Variants in SLC17A6 observed in about 807,000 individuals in gnomAD.
SLC17A6 encodes solute carrier family 17 member 6, also known as vesicular glutamate transporter 2.
In SLC17A6, 35 loss-of-function variants were observed where a neutral mutation model predicts 67.1. The observed-to-expected ratio is 0.52, with a 90% CI of 0.40 to 0.69. The LOEUF is 0.69. SLC17A6 is among the 30% of genes least tolerant of loss of function. SLC17A6 has a pLI of 0.00. For missense variants in SLC17A6, 588 were observed against 723.9 expected (o/e 0.81, Z 2.15); for synonymous variants, 285 against 252.3 (o/e 1.13, Z -1.23).
intron 10 of SLC17A6, 126 bp downstream of exon 10, chr11:22,376,218 A>T (rs1303558068): frequency 8.6e-6 from 5 of 583,204 alleles, no homozygotes; most frequent in Non-Finnish European, 1.1e-5. Flanking sequence ...TAATAGTCAA[A>T]TATTTCCACT....
chr11:22,342,384 C>A (rs894348226), intron 2 of SLC17A6, among the ~76,000 whole-genome samples: 1 of 152,088 alleles, frequency 6.6e-6, no homozygotes, highest in African/African-American at 2.4e-5. Context: ...CCCCAGCTGC[C>A]GTAAACCAGA....
rs898594771 is a variant in SLC17A6, at chr11:22,362,665, A to G, written c.662-74A>G. 12 of 1,265,186 alleles carry G rather than the reference A, an allele frequency of 9.5e-6. No individual in the cohort carries two copies. The African/African-American group carries it at 1.6e-4, about 17-fold the overall frequency. 78.4% of individuals were successfully genotyped at this position (1,265,186 alleles called of 1,614,324 possible). ...TGTTCCAGCGTCTGTGTGAATCAAC[A>G]AAGGAATGTGAGATGATATCAATAA... On this transcript the variant is annotated intron_variant, in intron 5 of 11. Transcript: ENST00000263160.
chr11:22,356,809 C>T (rs1041932037), intron 3 of SLC17A6, among the ~76,000 whole-genome samples: 2 of 152,190 alleles, frequency 1.3e-5, no homozygotes, highest in Non-Finnish European at 2.9e-5. Flanking sequence ...GCACTCCAGC[C>T]TGGGTGACAG....
chr11:22,356,073 G>A (rs1855990270), intron 3 of SLC17A6, among the ~76,000 whole-genome samples: 2 of 152,108 alleles, frequency 1.3e-5, no homozygotes, highest in South Asian at 4.1e-4. Context: ...TTAAATCTGA[G>A]CTTTACTACT....
intron 10 of SLC17A6, 125 bp downstream of exon 10, chr11:22,376,217 A>G: frequency 3.4e-6 from 2 of 584,386 alleles, no homozygotes; most frequent in Non-Finnish European, 5.6e-6. Context: ...ATAATAGTCA[A>G]ATATTTCCAC....
In SLC17A6 at chr11:22,338,437, C is replaced by T; in HGVS notation, c.-97C>T. On this transcript the variant is annotated 5_prime_UTR_variant, in exon 1 of 12. Coordinates refer to ENST00000263160, the MANE Select transcript of SLC17A6 (RefSeq NM_020346.3). The stretch of plus-strand genomic sequence containing the variant: ...CATTCTGCTGAGAAGGAAAAGCCCG[C>T]AACTACTTTAAGAGATTAAGACAAT... The T allele has an allele frequency of 2.3e-6, 2 of 855,036 alleles. No homozygotes were observed. The highest frequency in any genetic ancestry group is 3.8e-6 in the Non-Finnish European group (2 of 524,682). The allele number at this position is 855,036 out of a possible 1,614,324, so 53.0% of individuals were successfully genotyped here.
chr11:22,374,703 C>T, intron 8 of SLC17A6, 52 bp from the exon 9 acceptor site: 1 of 1,438,268 alleles, frequency 7.0e-7, no homozygotes, highest in Non-Finnish European at 9.3e-7. Flanking sequence ...CATTAAATTG[C>T]CCATATTATT....
At chr11:22,376,140 C>G in intron 10 of SLC17A6, 48 bp downstream of exon 10, 1 of 1,334,546 alleles carries the variant, frequency 7.5e-7, no homozygotes, top group South Asian at 1.3e-5. Flanking sequence ...CTGATTTTGA[C>G]TGCTGATAAA....
In SLC17A6 at chr11:22,343,157, G is replaced by C. The variant is rs1445919956; in HGVS notation, c.340-90G>C. ...AGAATGCATGAAGCGCCCAAGCCTT[G>C]GGGGCTTTTTGGCTTGTGAACCACT... On this transcript the variant is annotated intron_variant, in intron 2 of 11. Coordinates refer to ENST00000263160, the MANE Select transcript of SLC17A6 (RefSeq NM_020346.3). 7.6e-6 allele frequency: 8 copies of C among 1,059,526 alleles called. No homozygotes were observed. In the African/African-American group the frequency reaches 1.3e-4, roughly 17 times the overall value. 65.6% of individuals were successfully genotyped at this position (1,059,526 alleles called of 1,614,324 possible). A position where few individuals can be genotyped will look rare whatever the true frequency, so the allele number is the denominator to read the frequency against.
intron 5 of SLC17A6, chr11:22,362,254 C>A (rs906379451): frequency 4.2e-6 from 2 of 472,804 alleles, no homozygotes; most frequent in African/African-American, 2.1e-5. Flanking sequence ...AGAACTGAAG[C>A]AATATGCCTT....
At position 22,338,637 on chromosome 11, in the gene SLC17A6, C is replaced by A; in HGVS notation, c.86+18C>A. 1.9e-6 allele frequency: 3 copies of A among 1,578,106 alleles called. No individual in the cohort carries two copies. Among genetic ancestry groups the A allele is most frequent in the African/African-American group, 1.3e-5 (1 of 74,162 alleles). On this transcript the variant is annotated intron_variant, in intron 1 of 11. Coordinates refer to ENST00000263160, the MANE Select transcript of SLC17A6 (RefSeq NM_020346.3). Reference sequence around the variant, plus strand: ...ATCTACAGGTAAGACAAAGCGAACACTTGCTTACCTGGGGCTCAGCATGAA... The same window carrying A: ...ATCTACAGGTAAGACAAAGCGAACAATTGCTTACCTGGGGCTCAGCATGAA...
At position 22,338,423 on chromosome 11, in the gene SLC17A6, G is replaced by A. The variant is rs1434404706; in HGVS notation, c.-111G>A. The A allele has an allele frequency of 2.7e-6, 2 of 741,518 alleles. No homozygotes were observed. The highest frequency in any genetic ancestry group is 2.3e-5 in the Admixed American group (1 of 42,872). 45.9% of individuals were successfully genotyped at this position (741,518 alleles called of 1,614,324 possible). A position where few individuals can be genotyped will look rare whatever the true frequency, so the allele number is the denominator to read the frequency against. ...AGGCGAGCCACTACCATTCTGCTGA[G>A]AAGGAAAAGCCCGCAACTACTTTAA... On this transcript the variant is annotated 5_prime_UTR_variant, in exon 1 of 12. Transcript: ENST00000263160.
rs1413706718 is a variant in SLC17A6 at position 22,338,440 on chromosome 11, C to G, written c.-94C>G. On this transcript the variant is annotated 5_prime_UTR_variant, in exon 1 of 12. Transcript: ENST00000263160. ...TCTGCTGAGAAGGAAAAGCCCGCAA[C>G]TACTTTAAGAGATTAAGACAATATG... 1 of 882,442 alleles carries G rather than the reference C, an allele frequency of 1.1e-6. No homozygotes were observed. The highest frequency in any genetic ancestry group is 1.7e-5 in the African/African-American group (1 of 59,590). 54.7% of individuals were successfully genotyped at this position (882,442 alleles called of 1,614,324 possible).
At chr11:22,347,386 T>C (rs1443051819) in intron 3 of SLC17A6, among the ~76,000 whole-genome samples, 1 of 152,154 alleles carries the variant, frequency 6.6e-6, no homozygotes, top group Non-Finnish European at 1.5e-5. Flanking sequence ...GGAGGGCTAA[T>C]CAAAGTACCT....
chr11:22,343,130 C>G (rs1468653287), intron 2 of SLC17A6, 117 bp from the exon 3 acceptor site: 1 of 836,894 alleles, frequency 1.2e-6, no homozygotes, highest in Non-Finnish European at 2.0e-6. Flanking sequence ...ACTCTTATCC[C>G]CAGAATGCAT....
intron 3 of SLC17A6, among the ~76,000 whole-genome samples, chr11:22,345,967 A>G (rs532046242): frequency 6.6e-6 from 1 of 152,340 alleles, no homozygotes; most frequent in Non-Finnish European, 1.5e-5. Context: ...GATTTTTACA[A>G]GTTGTTTGAA....
At chr11:22,341,250 C>T (rs149334708) in intron 1 of SLC17A6, among the ~76,000 whole-genome samples, 2 of 152,296 alleles carry the variant, frequency 1.3e-5, no homozygotes, top group African/African-American at 2.4e-5. Context: ...TCAATCAGAG[C>T]GCCCAGGGGT....
chr11:22,363,633 T>C (rs1856076647), intron 6 of SLC17A6, among the ~76,000 whole-genome samples: 1 of 152,320 alleles, frequency 6.6e-6, no homozygotes, highest in East Asian at 1.9e-4. Context: ...CATTTTGAAA[T>C]GTTCTCATCA....
At position 22,370,206 on chromosome 11, in the gene SLC17A6, T is replaced by C; in HGVS notation, c.1041+18T>C. On this transcript the variant is annotated intron_variant, in intron 8 of 11. Transcript: ENST00000263160. The stretch of plus-strand genomic sequence containing the variant: ...TTAGCAAGGTATGTAAAATGTATTC[T>C]TATATAAATTGTGGATTACCTGTGT... The C allele has an allele frequency of 6.3e-7, 1 of 1,577,904 alleles. No individual in the cohort carries two copies. The highest frequency in any genetic ancestry group is 8.6e-7 in the Non-Finnish European group (1 of 1,165,428).
Sources: allele counts gnomAD v4.1 joint callset (sites outside exome capture counted in the v4.1 genomes callset), GRCh38; gene constraint gnomAD v4.1.1; transcripts MANE v1.5; gene names NCBI Gene and HGNC (gene_info 2026-07-23, HGNC 2026-07-21).